Variants in VPS53 observed in about 807,000 individuals in gnomAD.
The protein encoded by VPS53 is vacuolar protein sorting-associated protein 53 homolog.
In VPS53, 70 loss-of-function variants were observed where a neutral mutation model predicts 107.0. That is an observed-to-expected ratio of 0.65 (90% CI 0.54 to 0.80). The LOEUF (loss-of-function observed/expected upper bound fraction) is 0.80. Ranked by LOEUF, VPS53 falls within the 30% of genes least tolerant of loss-of-function variation. VPS53 has a pLI of 0.00. For missense variants in VPS53, 917 were observed against 1,049.4 expected (o/e 0.87, Z 1.74); for synonymous variants, 409 against 393.3 (o/e 1.04, Z -0.47).
At chr17:586,471 G>A in intron 12 of VPS53, 107 bp from the exon 13 acceptor site, 2 of 1,087,382 alleles carry the variant, frequency 1.8e-6, no homozygotes, top group Non-Finnish European at 1.3e-6. Flanking sequence ...TCACAGATAA[G>A]AGAGTACTCA....
chr17:634,428 G>A (rs1435795466), intron 7 of VPS53, among the ~76,000 whole-genome samples: 1 of 151,304 alleles, frequency 6.6e-6, no homozygotes, highest in East Asian at 1.9e-4. Context: ...TCAGTTTTAG[G>A]GTACATGTGC....
intron 5 of VPS53, 136 bp from the exon 6 acceptor site, chr17:656,089 CAAAATA>C: frequency 1.6e-6 from 1 of 623,736 alleles, no homozygotes; most frequent in Admixed American, 3.2e-5. Flanking sequence ...TCTCACAATA[CAAAATA>C]AAAATAATTT....
In VPS53 at chr17:592,103, T is replaced by G. The variant is rs565936055; in HGVS notation, c.1219-5739A>C. 2.9e-3 allele frequency among the ~76,000 whole-genome samples: 447 copies of G among 152,324 alleles called. 3 individuals are homozygous for G. The highest frequency in any genetic ancestry group is 0.01 in the African/African-American group (422 of 41,572). On this transcript the variant is annotated intron_variant, in intron 12 of 21. Transcript: ENST00000437048. ...GTATTGGGTGCATATATATTTAGGA[T>G]AGTTAGCTCTTGTTGAATTGATCCC... is the stretch of plus-strand genomic sequence containing the variant.
rs1198697370 is a variant in VPS53, at chr17:511,521, T to G, written c.*7607A>C. 2.0e-5 allele frequency: 3 copies of G among 152,154 alleles called. No homozygotes were observed. The highest frequency in any genetic ancestry group is 7.2e-5 in the African/African-American group (3 of 41,420). 9.4% of individuals were successfully genotyped at this position (152,154 alleles called of 1,614,324 possible). ...TGGACGCTATTTTTATTTTAACATC[T>G]CATATTGCCCCAGGTTCTCTGAGTC... is the stretch of plus-strand genomic sequence containing the variant. On this transcript the variant is annotated 3_prime_UTR_variant, in exon 22 of 22. Coordinates refer to ENST00000437048, the MANE Select transcript of VPS53 (RefSeq NM_001128159.3).
chr17:702,492 T>C (rs1328096559), intron 2 of VPS53, among the ~76,000 whole-genome samples: 1 of 151,730 alleles, frequency 6.6e-6, no homozygotes, highest in Non-Finnish European at 1.5e-5. Flanking sequence ...TGAAACCCCG[T>C]CTCTACTAAA....
intron 18 of VPS53, chr17:536,563 T>C (rs1910080417): frequency 6.2e-6 from 1 of 160,814 alleles, no homozygotes; most frequent in Non-Finnish European, 1.4e-5. Context: ...TACTGTTGCC[T>C]ATGACTTTAA....
intron 16 of VPS53, among the ~76,000 whole-genome samples, chr17:552,322 G>A (rs529602872): frequency 1.4e-5 from 2 of 138,402 alleles, no homozygotes; most frequent in South Asian, 2.4e-4. Flanking sequence ...TCAATAAGTG[G>A]TTGATGTGAA....
At chr17:584,954 A>G (rs1051366599) in intron 13 of VPS53, among the ~76,000 whole-genome samples, 1 of 152,254 alleles carries the variant, frequency 6.6e-6, no homozygotes, top group East Asian at 1.9e-4. Context: ...TCCAATTAGT[A>G]AATGTAGAAG....
chr17:576,780 C>T lies in VPS53; in HGVS notation c.1313+9490G>A, dbSNP rs930769367. Among the ~76,000 whole-genome samples the T allele has an allele frequency of 5.5e-5, 8 of 144,532 alleles. No individual in the cohort carries two copies. In the Middle Eastern group the frequency reaches 0.023, roughly 411 times the overall value. The allele number at this position is 144,532 out of a possible 152,430, so 94.8% of individuals were successfully genotyped here. A position where few individuals can be genotyped will look rare whatever the true frequency, so the allele number is the denominator to read the frequency against. On this transcript the variant is annotated intron_variant, in intron 13 of 21. Transcript: ENST00000437048. ...GCCCAGAGAACCTCCCTCAGAACCT[C>T]AGTGCATTTCCAGAGAACCTCCCTC...
intron 12 of VPS53, among the ~76,000 whole-genome samples, chr17:592,486 T>G (rs1186807988): frequency 6.6e-6 from 1 of 152,206 alleles, no homozygotes; most frequent in Non-Finnish European, 1.5e-5. Context: ...TTCGTAGTCT[T>G]GATGGTCTTT....
chr17:554,668 A>C (rs1390548195), intron 15 of VPS53, among the ~76,000 whole-genome samples: 2 of 152,176 alleles, frequency 1.3e-5, no homozygotes, highest in Non-Finnish European at 2.9e-5. Flanking sequence ...GTCCCAAAGC[A>C]CTGAGTAGCT....
chr17:548,375 CCTT>C (rs1373064614), intron 17 of VPS53, among the ~76,000 whole-genome samples: 1 of 151,330 alleles, frequency 6.6e-6, no homozygotes, highest in African/African-American at 2.4e-5. Flanking sequence ...AGCCAACAGT[CCTT>C]CTGGAATCAT....
chr17:516,713 A>G lies in VPS53; in HGVS notation c.*2415T>C, dbSNP rs142128596. On this transcript the variant is annotated 3_prime_UTR_variant, in exon 22 of 22. Coordinates refer to ENST00000437048, the MANE Select transcript of VPS53 (RefSeq NM_001128159.3). The stretch of plus-strand genomic sequence containing the variant: ...AGTGGTTCTGATGCACACCCCCAGA[A>G]GAGAAACACAGCGTCTCTACACAGT... 6.6e-6 allele frequency: 1 copy of G among 152,354 alleles called. No homozygotes were observed. The highest frequency in any genetic ancestry group is 2.4e-5 in the African/African-American group (1 of 41,566). 9.4% of individuals were successfully genotyped at this position (152,354 alleles called of 1,614,324 possible). A position where few individuals can be genotyped will look rare whatever the true frequency, so the allele number is the denominator to read the frequency against.
intron 17 of VPS53, among the ~76,000 whole-genome samples, chr17:541,745 G>A (rs993571634): frequency 8.7e-5 from 13 of 149,052 alleles, no homozygotes; most frequent in African/African-American, 1.2e-4. Flanking sequence ...ACGCACTGAA[G>A]GAATGTTTAT....
At chr17:589,537 G>A (rs954900084) in intron 12 of VPS53, among the ~76,000 whole-genome samples, 1 of 152,108 alleles carries the variant, frequency 6.6e-6, no homozygotes, top group Non-Finnish European at 1.5e-5. Context: ...ATAGCAAAAT[G>A]TTAACAATTG....
At chr17:535,379 C>T (rs1909962338) in intron 18 of VPS53, among the ~76,000 whole-genome samples, 1 of 152,060 alleles carries the variant, frequency 6.6e-6, no homozygotes, top group African/African-American at 2.4e-5. Context: ...TATGACTGAG[C>T]TGGGAGACGC....
In VPS53 at chr17:607,536, T is replaced by A. The variant is rs141475859; in HGVS notation, c.1117-5640A>T. 1.4e-3 allele frequency among the ~76,000 whole-genome samples: 220 copies of A among 152,326 alleles called. 2 individuals are homozygous for A. Among genetic ancestry groups the A allele is most frequent in the African/African-American group, 4.9e-3 (205 of 41,578 alleles). ...ACTGGCATAACGCAGCCTTCTGTGC[T>A]AAGAGCCACACAGATCACGCTTCTC... is the stretch of plus-strand genomic sequence containing the variant. On this transcript the variant is annotated intron_variant, in intron 11 of 21. Transcript: ENST00000437048.
chr17:614,029 A>C (rs1378826098), intron 11 of VPS53, among the ~76,000 whole-genome samples: 2 of 152,204 alleles, frequency 1.3e-5, no homozygotes, highest in Admixed American at 6.5e-5. Context: ...CAAAAACCAC[A>C]CATCGTAGCA....
intron 4 of VPS53, among the ~76,000 whole-genome samples, chr17:672,220 ACTCCC>A: frequency 1.2e-5 from 1 of 83,566 alleles, no homozygotes; most frequent in Admixed American, 1.2e-4. Context: ...TCTGAGCTTT[ACTCCC>A]GTCTTTGGCT....
Sources: allele counts gnomAD v4.1 joint callset (sites outside exome capture counted in the v4.1 genomes callset), GRCh38; gene constraint gnomAD v4.1.1; transcripts MANE v1.5; gene names NCBI Gene and HGNC (gene_info 2026-07-23, HGNC 2026-07-21).